GRIA3: variants seen among roughly 807,000 people sequenced by gnomAD.
GRIA3 encodes glutamate receptor 3.
In GRIA3, 3 loss-of-function variants were observed where a neutral mutation model predicts 63.0. The ratio of observed to expected loss-of-function variants is 0.05; its 90% CI spans 0.02 to 0.12. The LOEUF is 0.12. Among genes scored for constraint, GRIA3 ranks in the 10% least tolerant of loss-of-function variants. GRIA3 has a pLI of 1.00. For missense variants in GRIA3, 347 were observed against 700.9 expected, an observed-to-expected ratio of 0.50 and a Z score of 5.70; for synonymous variants, 274 against 257.9, an observed-to-expected ratio of 1.06 and a Z score of -0.60.
At chrX:123,199,687 T>A (rs1178522158) in intron 2 of GRIA3, among the ~76,000 whole-genome samples, 1 of 111,730 alleles carries the variant, frequency 9.0e-6, no homozygotes, top group Non-Finnish European at 1.9e-5. Context: ...ATGACAACAC[T>A]GTCAGTTTTA....
At chrX:123,250,048 G>A (rs896218296) in intron 2 of GRIA3, among the ~76,000 whole-genome samples, 5 of 111,284 alleles carry the variant, frequency 4.5e-5, no homozygotes, top group Non-Finnish European at 7.5e-5. Flanking sequence ...ATAATATATC[G>A]TTTAGGTGTA....
chrX:123,475,206 A>G (rs1439307126), intron 13 of GRIA3, among the ~76,000 whole-genome samples: 1 of 111,703 alleles, frequency 9.0e-6, no homozygotes, highest in Admixed American at 9.5e-5. Flanking sequence ...CATGCCACAA[A>G]ATGTTTTCTT....
At chrX:123,206,078 A>G (rs1473029023) in intron 2 of GRIA3, among the ~76,000 whole-genome samples, 2 of 111,685 alleles carry the variant, frequency 1.8e-5, no homozygotes, top group East Asian at 2.8e-4. Flanking sequence ...AAAGGGGTAA[A>G]TGTTTACTGA....
At chrX:123,372,497 A>G (rs1426618869) in intron 5 of GRIA3, among the ~76,000 whole-genome samples, 2 of 112,125 alleles carry the variant, frequency 1.8e-5, no homozygotes, top group Non-Finnish European at 3.8e-5. Context: ...GATTCTTCCA[A>G]TCCATGAACA....
intron 6 of GRIA3, among the ~76,000 whole-genome samples, chrX:123,395,463 G>A (rs191509237): frequency 8.9e-6 from 1 of 112,132 alleles, no homozygotes; most frequent in Admixed American, 9.4e-5. Flanking sequence ...AGGTAAGGAA[G>A]ACTGATAGTC....
At chrX:123,220,821 C>T (rs748015204) in intron 2 of GRIA3, among the ~76,000 whole-genome samples, 3 of 111,602 alleles carry the variant, frequency 2.7e-5, no homozygotes, top group South Asian at 3.8e-4. Context: ...TAAGACTATT[C>T]GAACATTCCA....
At chrX:123,200,586 CAT>C (rs201864598) in intron 2 of GRIA3, among the ~76,000 whole-genome samples, 7,142 of 86,825 alleles carry the variant, frequency 0.082, 354 homozygotes, top group Non-Finnish European at 0.13. Context: ...CATATATATA[CAT>C]ATACACACAC....
chrX:123,238,762 G>A (rs1300462395), intron 2 of GRIA3, among the ~76,000 whole-genome samples: 1 of 104,718 alleles, frequency 9.5e-6, no homozygotes, highest in African/African-American at 3.3e-5. Context: ...TTCTCTTATC[G>A]ATCATAGACT....
intron 11 of GRIA3, among the ~76,000 whole-genome samples, chrX:123,421,443 G>A (rs980189664): frequency 8.9e-6 from 1 of 111,904 alleles, no homozygotes; most frequent in African/African-American, 3.2e-5. Flanking sequence ...TAACACAGTT[G>A]TTACTCTAAG....
chrX:123,221,213 T>C (rs1173318786), intron 2 of GRIA3, among the ~76,000 whole-genome samples: 1 of 112,407 alleles, frequency 8.9e-6, no homozygotes, highest in African/African-American at 3.2e-5. Flanking sequence ...TGTGAATCAT[T>C]CCATAATTTA....
chrX:123,247,820 G>C (rs1252704352), intron 2 of GRIA3, among the ~76,000 whole-genome samples: 1 of 111,393 alleles, frequency 9.0e-6, no homozygotes, highest in African/African-American at 3.3e-5. Flanking sequence ...GAGGGCAATG[G>C]TTACTGTGGG....
intron 5 of GRIA3, among the ~76,000 whole-genome samples, chrX:123,388,890 T>C (rs2045368372): frequency 8.9e-6 from 1 of 112,109 alleles, no homozygotes; most frequent in Admixed American, 9.4e-5. Context: ...GCTTTTTCTG[T>C]TTCCCACAGA....
At position 123,394,993 on chromosome X, in the gene GRIA3, G is replaced by A. The variant is rs1409408302; in HGVS notation, c.776G>A (p.Arg259Lys). ...GGTTTTACTGATATTTTACTGGAAA[G>A]AGTCATGCATGGGGGAGCCAACATT... ...NLGFTDILLE[R>K]VMHGGANITG... is the part of the protein sequence containing the mutation. Residue 259 changes from arginine (R) to lysine (K), a missense_variant, in exon 6 of 16, where the codon AGA becomes AAA. Around this residue, in one of 8 missense-constraint regions of GRIA3, gnomAD observed 113 missense variants for 130.6 expected, o/e 0.87. Transcript: ENST00000620443. 6 of 1,192,513 alleles carry A rather than the reference G, an allele frequency of 5.0e-6. No individual in the cohort carries two copies. The highest frequency in any genetic ancestry group is 6.8e-6 in the Non-Finnish European group (6 of 877,986).
At chrX:123,290,027 C>T (rs1438004407) in intron 3 of GRIA3, among the ~76,000 whole-genome samples, 1 of 110,435 alleles carries the variant, frequency 9.1e-6, no homozygotes, top group Admixed American at 9.7e-5. Flanking sequence ...CTGTGAAATG[C>T]CATAGTTTAT....
At chrX:123,193,113 C>G (rs188321913) in intron 2 of GRIA3, among the ~76,000 whole-genome samples, 1 of 108,845 alleles carries the variant, frequency 9.2e-6, no homozygotes, top group Non-Finnish European at 1.9e-5. Context: ...ACATTCCCAA[C>G]AAGTCCGTGT....
chrX:123,191,765 C>T (rs1003153610), intron 2 of GRIA3, among the ~76,000 whole-genome samples: 1 of 110,779 alleles, frequency 9.0e-6, no homozygotes, highest in South Asian at 3.9e-4. Flanking sequence ...GGTCCATGCT[C>T]CAAGGATGTA....
intron 14 of GRIA3, among the ~76,000 whole-genome samples, chrX:123,482,140 G>T (rs754772149): frequency 7.1e-5 from 8 of 112,051 alleles, no homozygotes; most frequent in Non-Finnish European, 1.1e-4. Context: ...TTGCTGCCCT[G>T]ATTTTAACTA....
At chrX:123,385,803 T>A (rs1253199162) in intron 5 of GRIA3, among the ~76,000 whole-genome samples, 1 of 111,973 alleles carries the variant, frequency 8.9e-6, no homozygotes, top group East Asian at 2.8e-4. Context: ...CTGTTGTTGG[T>A]TATATATTTT....
chrX:123,341,401 G>A (rs765064039), intron 4 of GRIA3, among the ~76,000 whole-genome samples: 59 of 110,845 alleles, frequency 5.3e-4, no homozygotes, highest in African/African-American at 1.4e-3. Context: ...GGAAAGATAC[G>A]GACAATTAGA....
Sources: allele counts gnomAD v4.1 joint callset (sites outside exome capture counted in the v4.1 genomes callset), GRCh38; gene constraint gnomAD v4.1.1; regional missense constraint gnomAD v4.1.1; transcripts MANE v1.5; gene names NCBI Gene and HGNC (gene_info 2026-07-23, HGNC 2026-07-21).